Variants in ZKSCAN1 observed in about 807,000 individuals in gnomAD.
The protein encoded by ZKSCAN1 is zinc finger with KRAB and SCAN domains 1, also known as zinc finger protein with KRAB and SCAN domains 1.
In ZKSCAN1, 14 loss-of-function variants were observed where a neutral mutation model predicts 51.6. The observed-to-expected ratio is 0.27, with a 90% CI of 0.18 to 0.42. The LOEUF (loss-of-function observed/expected upper bound fraction) is 0.42. Ranked by LOEUF, ZKSCAN1 falls within the 10% of genes least tolerant of loss-of-function variation. The pLI is 1.00. For missense variants in ZKSCAN1, 531 were observed against 710.0 expected (o/e 0.75, Z 2.86); for synonymous variants, 263 against 261.5 (o/e 1.01, Z -0.06).
At position 100,039,014 on chromosome 7, in the gene ZKSCAN1, G is replaced by T. The variant is rs530109491; in HGVS notation, c.*4817G>T. 4.5e-5 allele frequency: 7 copies of T among 154,228 alleles called. No individual in the cohort carries two copies. Among genetic ancestry groups the T allele is most frequent in the South Asian group, 4.2e-4 (2 of 4,810 alleles). 9.6% of individuals were successfully genotyped at this position (154,228 alleles called of 1,614,324 possible). On this transcript the variant is annotated 3_prime_UTR_variant, in exon 6 of 6. Transcript: ENST00000324306. Reference sequence around the variant, plus strand: ...CATGTCAAAAAAAAAAAAAAGGTTGGGGGGAGGATAGGACTGGCCAGGCAC... The same window carrying T: ...CATGTCAAAAAAAAAAAAAAGGTTGTGGGGAGGATAGGACTGGCCAGGCAC...
chr7:100,023,283 T>A, intron 1 of ZKSCAN1, 136 bp from the exon 2 acceptor site: 1 of 456,064 alleles, frequency 2.2e-6, no homozygotes, highest in South Asian at 3.2e-5. Flanking sequence ...AGTGCTGAGA[T>A]TACAGGCGTG....
At chr7:100,020,907 A>C (rs1790560067) in intron 1 of ZKSCAN1, among the ~76,000 whole-genome samples, 1 of 152,174 alleles carries the variant, frequency 6.6e-6, no homozygotes, top group African/African-American at 2.4e-5. Flanking sequence ...GAAGAATCAC[A>C]GTGTCAGTTC....
chr7:100,022,110 A>G (rs1168261610), intron 1 of ZKSCAN1, among the ~76,000 whole-genome samples: 2 of 152,210 alleles, frequency 1.3e-5, no homozygotes, highest in Non-Finnish European at 2.9e-5. Context: ...GATGGAGTGC[A>G]GTGGCGCGAT....
chr7:100,041,849 C>T (rs575965064), downstream of ZKSCAN1, among the ~76,000 whole-genome samples: 1 of 152,262 alleles, frequency 6.6e-6, no homozygotes, highest in Admixed American at 6.5e-5. Flanking sequence ...ACTTTGCAAA[C>T]CAAAATTAAA....
Position 100,035,098 on chromosome 7 carries a change from T to C in ZKSCAN1, c.*901T>C, listed in dbSNP as rs1380490174. ...TATATTTCTATCCCTGCCAGCACAG[T>C]GCTGGACATAGTGAGTACTGAACAC... On this transcript the variant is annotated 3_prime_UTR_variant, in exon 6 of 6. Transcript: ENST00000324306. 1 of 152,676 alleles carries C rather than the reference T, an allele frequency of 6.5e-6. No homozygotes were observed. Among genetic ancestry groups the C allele is most frequent in the Non-Finnish European group, 1.5e-5 (1 of 68,066 alleles). 9.5% of individuals were successfully genotyped at this position (152,676 alleles called of 1,614,324 possible).
At chr7:100,026,230 CAAAAAAAAAAAAA>C (rs58408632) in intron 3 of ZKSCAN1, among the ~76,000 whole-genome samples, 1 of 47,308 alleles carries the variant, frequency 2.1e-5, no homozygotes, top group Middle Eastern at 0.01. Context: ...AAACTCATCT[CAAAAAAAAAAAAA>C]AAAAAAAAAA....
downstream of ZKSCAN1, among the ~76,000 whole-genome samples, chr7:100,042,117 G>A (rs908967622): frequency 2.6e-5 from 4 of 152,098 alleles, no homozygotes; most frequent in Non-Finnish European, 4.4e-5. Flanking sequence ...CCAGGAGTTC[G>A]AAACCAGCCT....
chr7:100,035,040 CT>C lies in ZKSCAN1; in HGVS notation c.*844del. On this transcript the variant is annotated 3_prime_UTR_variant, in exon 6 of 6. Coordinates refer to ENST00000324306, the MANE Select transcript of ZKSCAN1 (RefSeq NM_003439.4). ...CATGTATGAAGTTTTTAATCACCCCCTAACCCCCAAAAAAGATTCGGTTGTC... is the reference window on the plus strand; with the variant it reads ...CATGTATGAAGTTTTTAATCACCCCCAACCCCCAAAAAAGATTCGGTTGTC... 1 of 152,806 alleles carries C rather than the reference CT, an allele frequency of 6.5e-6. No homozygotes were observed. Among genetic ancestry groups the C allele is most frequent in the South Asian group, 2.1e-4 (1 of 4,826 alleles). The allele number at this position is 152,806 out of a possible 1,614,324, so 9.5% of individuals were successfully genotyped here.
In ZKSCAN1 at chr7:100,040,692, GAGAA is replaced by G. The variant is rs1396500362; in HGVS notation, c.*6499_*6502del. 1 of 985,380 alleles carries G rather than the reference GAGAA, an allele frequency of 1.0e-6. No homozygotes were observed. Among genetic ancestry groups the G allele is most frequent in the Admixed American group, 6.1e-5 (1 of 16,266 alleles). 61.0% of individuals were successfully genotyped at this position (985,380 alleles called of 1,614,324 possible). A position where few individuals can be genotyped will look rare whatever the true frequency, so the allele number is the denominator to read the frequency against. On this transcript the variant is annotated 3_prime_UTR_variant, in exon 6 of 6. Transcript: ENST00000324306. ...CGGTAACGGCCCCACACTCCAGGCT[GAGAA>G]AGAGTAATTAGGAGGCCTGAGGAGG...
At chr7:100,016,134 T>TTC (rs1554349409) in intron 1 of ZKSCAN1, among the ~76,000 whole-genome samples, 1 of 151,036 alleles carries the variant, frequency 6.6e-6, no homozygotes, top group African/African-American at 2.4e-5. Flanking sequence ...GGTGTCTTTT[T>TTC]CCCCCCCCGG....
chr7:100,016,231 T>G (rs971760141), intron 1 of ZKSCAN1, among the ~76,000 whole-genome samples: 22 of 152,284 alleles, frequency 1.4e-4, no homozygotes, highest in Middle Eastern at 3.4e-3. Context: ...GACCTGCCTT[T>G]CCTTCTCCCA....
In ZKSCAN1 at chr7:100,023,626, G is replaced by T; in HGVS notation, c.120G>T (p.Gln40His). The change falls in exon 2 of 6, where the codon CAG (glutamine) becomes CAT (histidine). Residue 40 changes from glutamine (Q) to histidine (H), a missense_variant. This residue lies in a region of ZKSCAN1 where 403 missense variants were observed against 490.5 expected (regional missense o/e 0.82). Transcript: ENST00000324306. Reference protein sequence around the residue: ...EEDEEDHMWGQDSTLQDTPPP... With the variant: ...EEDEEDHMWGHDSTLQDTPPP... ...ATGAGGAAGACCACATGTGGGGGCA[G>T]GATTCCACCCTACAGGACACGCCTC... The T allele has an allele frequency of 6.2e-7, 1 of 1,614,054 alleles. No individual in the cohort carries two copies. The highest frequency in any genetic ancestry group is 8.5e-7 in the Non-Finnish European group (1 of 1,180,052).
chr7:100,015,799 A>C (rs1790332566), intron 1 of ZKSCAN1, 73 bp downstream of exon 1: 1 of 152,242 alleles, frequency 6.6e-6, no homozygotes, highest in African/African-American at 2.4e-5. Context: ...TGGGCTCCGC[A>C]GCTGCGGCCC....
chr7:100,042,737 C>CGTGTGTGTGTGTGTGT (rs34820993), downstream of ZKSCAN1, among the ~76,000 whole-genome samples: 1 of 144,692 alleles, frequency 6.9e-6, no homozygotes, highest in Non-Finnish European at 1.5e-5. Flanking sequence ...TATAGATACA[C>CGTGTGTGTGTGTGTGT]GTGTGTGTGT....
chr7:100,036,182 A>G lies in ZKSCAN1; in HGVS notation c.*1985A>G, dbSNP rs1344302281. On this transcript the variant is annotated 3_prime_UTR_variant, in exon 6 of 6. Transcript: ENST00000324306. ...GGCTTTATGACTTAAACCAACTACA[A>G]CTTCCCTATAGCTTCTAAGCAGTTT... The G allele has an allele frequency of 2.0e-6, 2 of 985,262 alleles. No individual in the cohort carries two copies. The highest frequency in any genetic ancestry group is 2.4e-6 in the Non-Finnish European group (2 of 829,864). 61.0% of individuals were successfully genotyped at this position (985,262 alleles called of 1,614,324 possible). A position where few individuals can be genotyped will look rare whatever the true frequency, so the allele number is the denominator to read the frequency against.
In ZKSCAN1 at chr7:100,038,247, A is replaced by G. The variant is rs1791448552; in HGVS notation, c.*4050A>G. 18 of 985,356 alleles carry G rather than the reference A, an allele frequency of 1.8e-5. No individual in the cohort carries two copies. The highest frequency in any genetic ancestry group is 1.9e-5 in the Non-Finnish European group (16 of 829,926). 61.0% of individuals were successfully genotyped at this position (985,356 alleles called of 1,614,324 possible). ...TATATTACCTGTAAGCAGATACTGT[A>G]TTTTATTTTAGCCTATTTGACAGAA... On this transcript the variant is annotated 3_prime_UTR_variant, in exon 6 of 6. Coordinates refer to ENST00000324306, the MANE Select transcript of ZKSCAN1 (RefSeq NM_003439.4).
intron 3 of ZKSCAN1, among the ~76,000 whole-genome samples, chr7:100,028,151 G>A (rs567978550): frequency 5.5e-4 from 83 of 152,042 alleles, no homozygotes; most frequent in Middle Eastern, 3.4e-3. Context: ...TCAAGAGATC[G>A]AGATCATCCT....
At chr7:100,018,367 A>G (rs1481488321) in intron 1 of ZKSCAN1, among the ~76,000 whole-genome samples, 1 of 152,146 alleles carries the variant, frequency 6.6e-6, no homozygotes, top group Non-Finnish European at 1.5e-5. Context: ...GTTGAGGAAG[A>G]AGGCAAGAAA....
intron 5 of ZKSCAN1, among the ~76,000 whole-genome samples, chr7:100,030,898 G>T (rs1303686948): frequency 6.6e-6 from 1 of 152,188 alleles, no homozygotes; most frequent in African/African-American, 2.4e-5. Context: ...CTTGCACCTG[G>T]ACTGTCCTTG....
Sources: allele counts gnomAD v4.1 joint callset (sites outside exome capture counted in the v4.1 genomes callset), GRCh38; gene constraint gnomAD v4.1.1; regional missense constraint gnomAD v4.1.1; transcripts MANE v1.5; gene names NCBI Gene and HGNC (gene_info 2026-07-23, HGNC 2026-07-21).